BACE2: variants seen among roughly 807,000 people sequenced by gnomAD.
The protein encoded by BACE2 is beta-secretase 2, also known as 56 kDa aspartic-like protease.
In BACE2, 17 loss-of-function variants were observed where a neutral mutation model predicts 46.2. The observed-to-expected ratio is 0.37, with a 90% CI of 0.25 to 0.55. The LOEUF is 0.55. Among genes scored for constraint, BACE2 ranks in the 20% least tolerant of loss-of-function variants. The pLI is 0.82. For missense variants in BACE2, 595 were observed against 698.1 expected (o/e 0.85, Z 1.66); for synonymous variants, 277 against 295.9 (o/e 0.94, Z 0.66).
chr21:41,236,797 G>T (rs1157124450), intron 2 of BACE2: 1 of 152,270 alleles, frequency 6.6e-6, no homozygotes, highest in Non-Finnish European at 1.5e-5. Context: ...CAGCACAGCA[G>T]CCCTGCAAAG....
intron 1 of BACE2, among the ~76,000 whole-genome samples, chr21:41,214,977 G>T (rs1335162465): frequency 1.3e-5 from 2 of 152,174 alleles, no homozygotes; most frequent in Non-Finnish European, 2.9e-5. Context: ...GGCAAACCAG[G>T]AGGGCGCATT....
intron 5 of BACE2, among the ~76,000 whole-genome samples, chr21:41,244,320 T>C (rs540704204): frequency 1.3e-5 from 2 of 151,992 alleles, no homozygotes; most frequent in East Asian, 1.9e-4. Flanking sequence ...AGCAACAAGG[T>C]TTTTATTTCA....
At chr21:41,211,628 T>C (rs1201430174) in intron 1 of BACE2, among the ~76,000 whole-genome samples, 1 of 152,272 alleles carries the variant, frequency 6.6e-6, no homozygotes, top group East Asian at 1.9e-4. Flanking sequence ...CAGAGGCCAC[T>C]GCTGCTGTGG....
intron 1 of BACE2, among the ~76,000 whole-genome samples, chr21:41,205,304 C>T (rs752782057): frequency 6.6e-6 from 1 of 152,172 alleles, no homozygotes; most frequent in African/African-American, 2.4e-5. Flanking sequence ...AATTAAGTCA[C>T]ATTTTCTGCT....
chr21:41,255,196 C>T (rs555895779), intron 7 of BACE2, among the ~76,000 whole-genome samples: 10 of 152,262 alleles, frequency 6.6e-5, no homozygotes, highest in Admixed American at 3.3e-4. Flanking sequence ...ACAGGTTACA[C>T]GGGAAATGCC....
chr21:41,224,353 T>C (rs1986746650), intron 1 of BACE2, among the ~76,000 whole-genome samples: 1 of 151,898 alleles, frequency 6.6e-6, no homozygotes, highest in South Asian at 2.1e-4. Flanking sequence ...TAGCTGGGAC[T>C]GCAGGCGTGT....
intron 1 of BACE2, chr21:41,182,944 GAA>G (rs940144163): frequency 2.2e-4 from 36 of 165,952 alleles, no homozygotes; most frequent in African/African-American, 8.5e-4. Context: ...CTCATGTTTT[GAA>G]CCTCCCATTT....
At position 41,237,583 on chromosome 21, in the gene BACE2, G is replaced by A. The variant is rs781596817; in HGVS notation, c.472G>A (p.Val158Ile). Reference protein sequence around the residue: ...KYTQGSWTGFVGEDLVTIPKG... With the variant: ...KYTQGSWTGFIGEDLVTIPKG... ...CACACAAGGAAGCTGGACGGGCTTC[G>A]TTGGGGAAGACCTCGTCACCATCCC... is the stretch of plus-strand genomic sequence containing the variant. Residue 158 changes from valine to isoleucine, a missense_variant, in exon 3 of 9, where the codon GTT becomes ATT. Val to Ile is a conservative substitution (Grantham distance 29). Transcript: ENST00000330333. 105 of 1,614,104 alleles carry A rather than the reference G, an allele frequency of 6.5e-5. 1 individual carries two copies. The highest frequency in any genetic ancestry group is 5.3e-4 in the South Asian group (48 of 91,082).
chr21:41,168,523 A>G lies in BACE2; in HGVS notation c.260A>G (p.Asp87Gly). The G allele has an allele frequency of 7.6e-7, 1 of 1,321,270 alleles. No homozygotes were observed. The highest frequency in any genetic ancestry group is 2.3e-5 in the South Asian group (1 of 43,284). The allele number at this position is 1,321,270 out of a possible 1,614,324, so 81.8% of individuals were successfully genotyped here. Residue 87 changes from aspartate to glycine, a missense_variant, in exon 1 of 9, where the codon GAC becomes GGC. This residue lies in a region of BACE2 where 248 missense variants were observed against 261.4 expected (regional missense o/e 0.95). Transcript: ENST00000330333. ...FLAMVDNLQG[D>G]SGRGYYLEML... ...GCCATGGTAGACAACCTGCAGGGGGACTCTGGCCGCGGCTACTACCTGGAG... is the reference window on the plus strand; with the variant it reads ...GCCATGGTAGACAACCTGCAGGGGGGCTCTGGCCGCGGCTACTACCTGGAG...
intron 1 of BACE2, among the ~76,000 whole-genome samples, chr21:41,222,535 G>A (rs766024274): frequency 2.6e-5 from 4 of 152,248 alleles, no homozygotes; most frequent in Admixed American, 6.5e-5. Flanking sequence ...GGTGGTCAGC[G>A]TGGCTGGGAG....
At chr21:41,241,513 C>A (rs545846269) in intron 3 of BACE2, among the ~76,000 whole-genome samples, 1 of 152,172 alleles carries the variant, frequency 6.6e-6, no homozygotes, top group Non-Finnish European at 1.5e-5. Flanking sequence ...TAACCTACTT[C>A]CACGGCTTCT....
At position 41,168,308 on chromosome 21, in the gene BACE2, G is replaced by T; in HGVS notation, c.45G>T (p.Gln15His). The T allele has an allele frequency of 1.5e-6, 2 of 1,318,832 alleles. No individual in the cohort carries two copies. Among genetic ancestry groups the T allele is most frequent in the Non-Finnish European group, 1.9e-6 (2 of 1,034,822 alleles). 81.7% of individuals were successfully genotyped at this position (1,318,832 alleles called of 1,614,324 possible). Residue 15 changes from glutamine (Q) to histidine (H), a missense_variant, in exon 1 of 9, where the codon CAG becomes CAT. By Grantham distance (24) the Gln-to-His change is conservative. This residue lies in a region of BACE2 where 248 missense variants were observed against 261.4 expected (regional missense o/e 0.95). Transcript: ENST00000330333. ...ARALLLPLLA[Q>H]WLLRAAPELA... ...CGCTGCTGCTGCCTCTGCTGGCCCAGTGGCTCCTGCGCGCCGCCCCGGAGC... is the reference window on the plus strand; with the variant it reads ...CGCTGCTGCTGCCTCTGCTGGCCCATTGGCTCCTGCGCGCCGCCCCGGAGC...
At chr21:41,194,047 T>C (rs893153154) in intron 1 of BACE2, among the ~76,000 whole-genome samples, 1 of 152,130 alleles carries the variant, frequency 6.6e-6, no homozygotes, top group African/African-American at 2.4e-5. Flanking sequence ...ATTCAAGGGG[T>C]TCTGGGTCTG....
rs143660291 is a variant in BACE2 at position 41,199,643 on chromosome 21, G to A, written c.313-26623G>A. 6.7e-3 allele frequency among the ~76,000 whole-genome samples: 1,023 copies of A among 152,240 alleles called. 7 individuals carry two copies. Among genetic ancestry groups the A allele is most frequent in the African/African-American group, 0.022 (925 of 41,538 alleles). On this transcript the variant is annotated intron_variant, in intron 1 of 8. Transcript: ENST00000330333. ...TTCTTAATTCAGCTCAGAAGGGCAAGAGAAAAGCCAGTGCATGGATCCCAC... is the reference window on the plus strand; with the variant it reads ...TTCTTAATTCAGCTCAGAAGGGCAAAAGAAAAGCCAGTGCATGGATCCCAC...
At chr21:41,169,323 G>A (rs1311044738) in intron 1 of BACE2, among the ~76,000 whole-genome samples, 3 of 151,834 alleles carry the variant, frequency 2.0e-5, no homozygotes, top group African/African-American at 7.3e-5. Flanking sequence ...AGGTGTCCGG[G>A]GACCAAGTGG....
intron 1 of BACE2, among the ~76,000 whole-genome samples, chr21:41,222,434 G>A (rs944560076): frequency 6.6e-6 from 1 of 152,176 alleles, no homozygotes; most frequent in African/African-American, 2.4e-5. Flanking sequence ...CCTGGACCTG[G>A]GTATCCTGGG....
At chr21:41,218,684 T>C (rs1033451477) in intron 1 of BACE2, among the ~76,000 whole-genome samples, 2 of 152,176 alleles carry the variant, frequency 1.3e-5, no homozygotes, top group African/African-American at 4.8e-5. Context: ...TCTTCCTTAA[T>C]GGAAGGAAAT....
At chr21:41,211,570 C>T (rs1474422507) in intron 1 of BACE2, among the ~76,000 whole-genome samples, 1 of 152,232 alleles carries the variant, frequency 6.6e-6, no homozygotes, top group Non-Finnish European at 1.5e-5. Flanking sequence ...TCAGTGCCTA[C>T]AATCATATGT....
At chr21:41,267,925 T>C (rs912133194) in intron 8 of BACE2, among the ~76,000 whole-genome samples, 6 of 152,220 alleles carry the variant, frequency 3.9e-5, no homozygotes, top group Admixed American at 3.3e-4. Context: ...CATTATTTTG[T>C]ATGCTATAGG....
Sources: allele counts gnomAD v4.1 joint callset (sites outside exome capture counted in the v4.1 genomes callset), GRCh38; gene constraint gnomAD v4.1.1; regional missense constraint gnomAD v4.1.1; transcripts MANE v1.5; gene names NCBI Gene and HGNC (gene_info 2026-07-23, HGNC 2026-07-21).